TMEM132D: variants seen among roughly 807,000 people sequenced by gnomAD.
TMEM132D encodes mature OL transmembrane protein.
In TMEM132D, 21 loss-of-function variants were observed where a neutral mutation model predicts 62.3. That is an observed-to-expected ratio of 0.34 (90% CI 0.24 to 0.49). The LOEUF (loss-of-function observed/expected upper bound fraction) is 0.49, where lower values mean the gene tolerates loss of function less well. TMEM132D is among the 20% of genes least tolerant of loss of function. The pLI is 0.99. For synonymous variants in TMEM132D, 621 were observed against 575.6 expected, an observed-to-expected ratio of 1.08 and a Z score of -1.13; for missense variants, 1,346 against 1,402.8, an observed-to-expected ratio of 0.96 and a Z score of 0.65.
chr12:129,525,184 G>A lies in TMEM132D; in HGVS notation c.1115+5875C>T, dbSNP rs373367083. ...TCGTGATCTGCCCGCCTTGGCTTCC[G>A]AAAGTGCTGGGATTACGGGTATGAG... is the stretch of plus-strand genomic sequence containing the variant. On this transcript the variant is annotated intron_variant, in intron 3 of 8. Coordinates refer to ENST00000422113, the MANE Select transcript of TMEM132D (RefSeq NM_133448.3). Among the ~76,000 whole-genome samples, 20 of 138,734 alleles carry A rather than the reference G, an allele frequency of 1.4e-4. 1 individual carries two copies. Among genetic ancestry groups the A allele is most frequent in the Admixed American group, 9.9e-4 (13 of 13,182 alleles). 91.0% of individuals were successfully genotyped at this position (138,734 alleles called of 152,430 possible). A position where few individuals can be genotyped will look rare whatever the true frequency, so the allele number is the denominator to read the frequency against.
At chr12:129,757,189 T>G (rs1287756759) in intron 1 of TMEM132D, among the ~76,000 whole-genome samples, 3 of 152,166 alleles carry the variant, frequency 2.0e-5, no homozygotes, top group Non-Finnish European at 2.9e-5. Flanking sequence ...GTCTTAAAGT[T>G]TTCATATCAA....
At chr12:129,589,647 C>T (rs145591846) in intron 2 of TMEM132D, among the ~76,000 whole-genome samples, 40 of 152,324 alleles carry the variant, frequency 2.6e-4, no homozygotes, top group African/African-American at 9.1e-4. Flanking sequence ...TCCAGGACAA[C>T]TAGCTGATCT....
intron 2 of TMEM132D, among the ~76,000 whole-genome samples, chr12:129,615,569 A>G (rs1878891244): frequency 6.7e-6 from 1 of 148,150 alleles, no homozygotes; most frequent in African/African-American, 2.5e-5. Flanking sequence ...TGGGCAATAT[A>G]GTGAGACCCC....
At chr12:129,833,807 T>G (rs2137336728) in intron 1 of TMEM132D, among the ~76,000 whole-genome samples, 1 of 152,308 alleles carries the variant, frequency 6.6e-6, no homozygotes, top group South Asian at 2.1e-4. Context: ...AACAAGTCGG[T>G]GTCAGTCTAC....
At chr12:129,295,700 C>A (rs1881557829) in intron 4 of TMEM132D, among the ~76,000 whole-genome samples, 1 of 152,052 alleles carries the variant, frequency 6.6e-6, no homozygotes, top group African/African-American at 2.4e-5. Context: ...GGTTCCAGGA[C>A]ACCATGAATA....
At position 129,159,773 on chromosome 12, in the gene TMEM132D, AAAAAG is replaced by A. The variant is rs1452790579; in HGVS notation, c.1443+49742_1443+49746del. On this transcript the variant is annotated intron_variant, in intron 5 of 8. Coordinates refer to ENST00000422113, the MANE Select transcript of TMEM132D (RefSeq NM_133448.3). ...GACTCGGGCTCAAAAAAAAAAAAAA[AAAAAG>A]AAAGAAAATTGATAAGACAAGAGTA... is the stretch of plus-strand genomic sequence containing the variant. Among the ~76,000 whole-genome samples, 33 of 147,914 alleles carry A rather than the reference AAAAAG, an allele frequency of 2.2e-4. 2 individuals carry two copies. The East Asian group carries it at 2.4e-3, about 11-fold the overall frequency.
chr12:129,582,273 G>A (rs145572598), intron 2 of TMEM132D, among the ~76,000 whole-genome samples: 17 of 152,146 alleles, frequency 1.1e-4, no homozygotes, highest in African/African-American at 3.6e-4. Flanking sequence ...TTCTCTCAAC[G>A]TTGTTGGGTA....
At chr12:129,264,146 T>C (rs1023356734) in intron 4 of TMEM132D, among the ~76,000 whole-genome samples, 1 of 152,168 alleles carries the variant, frequency 6.6e-6, no homozygotes, top group African/African-American at 2.4e-5. Flanking sequence ...CCCAGCACTT[T>C]GGAAGGCCAA....
At chr12:129,506,262 T>A (rs190176722) in intron 3 of TMEM132D, among the ~76,000 whole-genome samples, 14 of 152,294 alleles carry the variant, frequency 9.2e-5, no homozygotes, top group Admixed American at 5.2e-4. Context: ...AGAATCAATA[T>A]TGTGAAAATA....
At chr12:129,618,116 C>T (rs1451109522) in intron 2 of TMEM132D, among the ~76,000 whole-genome samples, 3 of 152,098 alleles carry the variant, frequency 2.0e-5, no homozygotes, top group African/African-American at 4.8e-5. Flanking sequence ...AGCCTGGAGG[C>T]GTAAAATTTA....
chr12:129,474,389 A>G lies in TMEM132D; in HGVS notation c.1115+56670T>C, dbSNP rs1470075060. ...CCATTAACTGGGTGAAGTCATTGTA[A>G]TGATTCTCAGCTGAGGGTTGAAGAA... On this transcript the variant is annotated intron_variant, in intron 3 of 8. Coordinates refer to ENST00000422113, the MANE Select transcript of TMEM132D (RefSeq NM_133448.3). Among the ~76,000 whole-genome samples the G allele has an allele frequency of 3.3e-5, 5 of 152,210 alleles. No individual in the cohort carries two copies. The East Asian group carries it at 9.6e-4, about 29-fold the overall frequency.
rs1245781814 is a variant in TMEM132D, at chr12:129,898,757, A to C, written c.79+4504T>G. 2.6e-5 allele frequency among the ~76,000 whole-genome samples: 4 copies of C among 152,246 alleles called. No individual in the cohort carries two copies. The East Asian group carries it at 7.7e-4, about 29-fold the overall frequency. On this transcript the variant is annotated intron_variant, in intron 1 of 8. Coordinates refer to ENST00000422113, the MANE Select transcript of TMEM132D (RefSeq NM_133448.3). ...CCTACAAATGGCAAGTTCTCTGGGA[A>C]TAGTAACCATATCAACCTGTGCTTT...
chr12:129,457,946 C>T (rs1179018325), intron 3 of TMEM132D, among the ~76,000 whole-genome samples: 1 of 152,190 alleles, frequency 6.6e-6, no homozygotes, highest in Non-Finnish European at 1.5e-5. Flanking sequence ...ATGGATTCCC[C>T]ACTTCCTCCC....
intron 1 of TMEM132D, among the ~76,000 whole-genome samples, chr12:129,780,903 T>A (rs990054906): frequency 1.1e-4 from 17 of 152,170 alleles, no homozygotes; most frequent in Non-Finnish European, 2.2e-4. Flanking sequence ...AGTATTCCAG[T>A]AACAGCCATA....
intron 3 of TMEM132D, among the ~76,000 whole-genome samples, chr12:129,446,563 C>G (rs1221243201): frequency 2.6e-5 from 4 of 152,150 alleles, no homozygotes; most frequent in Non-Finnish European, 4.4e-5. Context: ...TATTTAATGT[C>G]CATTTTGTCC....
intron 1 of TMEM132D, among the ~76,000 whole-genome samples, chr12:129,810,480 TGAG>T (rs1489340210): frequency 2.6e-5 from 4 of 152,026 alleles, no homozygotes; most frequent in Non-Finnish European, 4.4e-5. Flanking sequence ...AAAAAGGTAA[TGAG>T]GATGGGAAAT....
rs1878858570 is a variant in TMEM132D at position 129,206,739 on chromosome 12, TG to T, written c.1443+2780del. The stretch of plus-strand genomic sequence containing the variant: ...AGTGCTAGACTGGATAAAGAAAATG[TG>T]GTACATATACACCATGGAATACTAT... On this transcript the variant is annotated intron_variant, in intron 5 of 8. Transcript: ENST00000422113. Among the ~76,000 whole-genome samples the T allele has an allele frequency of 2.6e-5, 4 of 152,324 alleles. No homozygotes were observed. In the South Asian group the frequency reaches 8.3e-4, roughly 32 times the overall value.
rs370684465 is a variant in TMEM132D at position 129,542,185 on chromosome 12, C to T, written c.969-10980G>A. Among the ~76,000 whole-genome samples, 28 of 152,294 alleles carry T rather than the reference C, an allele frequency of 1.8e-4. 2 individuals are homozygous for T. In the South Asian group the frequency reaches 5.6e-3, roughly 30 times the overall value. On this transcript the variant is annotated intron_variant, in intron 2 of 8. Coordinates refer to ENST00000422113, the MANE Select transcript of TMEM132D (RefSeq NM_133448.3). ...GAACACTCAACTAACTTCCATGTTC[C>T]CAGGGCTCCACGATTCACAGGGGGC...
chr12:129,524,273 A>G (rs1306402881), intron 3 of TMEM132D, among the ~76,000 whole-genome samples: 1 of 152,132 alleles, frequency 6.6e-6, no homozygotes, highest in African/African-American at 2.4e-5. Context: ...AAAAAGAAAG[A>G]AACAGCCATG....
Sources: allele counts gnomAD v4.1 joint callset (sites outside exome capture counted in the v4.1 genomes callset), GRCh38; gene constraint gnomAD v4.1.1; transcripts MANE v1.5; gene names NCBI Gene and HGNC (gene_info 2026-07-23, HGNC 2026-07-21).